The following CC2D2B variants were observed in gnomAD, a reference collection of about 807,000 sequenced individuals.
CC2D2B encodes the protein protein CC2D2B.
In CC2D2B, 128 loss-of-function variants were observed where a neutral mutation model predicts 161.2. That is an observed-to-expected ratio of 0.79 (90% confidence interval 0.69 to 0.92). CC2D2B has a LOEUF of 0.92. Ranked by LOEUF, CC2D2B falls within the 40% of genes least tolerant of loss-of-function variation. The pLI is 0.00. For missense variants in CC2D2B, 1,173 were observed against 1,375.1 expected (o/e 0.85, Z 2.32); for synonymous variants, 391 against 449.8 (o/e 0.87, Z 1.65).
chr10:95,996,060 T>G (rs2141715671), intron 23 of CC2D2B, 83 bp from the exon 24 acceptor site: 1 of 497,298 alleles, frequency 2.0e-6, no homozygotes, highest in East Asian at 3.3e-5. Flanking sequence ...GCCATACATT[T>G]GCCAAGTAAT....
rs538650162 is a variant in CC2D2B, at chr10:96,032,017, C to T, written c.*9C>T. On this transcript the variant is annotated 3_prime_UTR_variant, in exon 35 of 35. Transcript: ENST00000646931. ...TAGTTCAACATCAATGAAAAGGAAG[C>T]AGAGCAAAGTAAAAGATTGTACTAT... 1.9e-6 allele frequency: 3 copies of T among 1,604,984 alleles called. No individual in the cohort carries two copies. The highest frequency in any genetic ancestry group is 1.1e-5 in the South Asian group (1 of 90,656).
intron 23 of CC2D2B, among the ~76,000 whole-genome samples, chr10:95,995,729 A>G (rs1346115757): frequency 6.6e-6 from 1 of 152,234 alleles, no homozygotes; most frequent in Non-Finnish European, 1.5e-5. Context: ...GTTATTGTCC[A>G]AAGGAACTAC....
At chr10:96,015,459 G>C (rs1277016254) in intron 29 of CC2D2B, among the ~76,000 whole-genome samples, 2 of 109,148 alleles carry the variant, frequency 1.8e-5, no homozygotes, top group Non-Finnish European at 3.7e-5. Context: ...CTTTGCTAGA[G>C]TTTGTTTTTG....
chr10:95,990,897 G>T (rs192957795), intron 20 of CC2D2B, among the ~76,000 whole-genome samples: 1 of 152,272 alleles, frequency 6.6e-6, no homozygotes, highest in Admixed American at 6.5e-5. Flanking sequence ...TGACTTTCTT[G>T]CCAGGCTGCC....
chr10:95,926,815 A>AGTGTGTGTGTGTGTGTGTGTGTGTGT lies in CC2D2B; in HGVS notation c.241-415_241-390dup, dbSNP rs71486778. Among the ~76,000 whole-genome samples, 144 of 134,984 alleles carry AGTGTGTGTGTGTGTGTGTGTGTGTGT rather than the reference A, an allele frequency of 1.1e-3. 1 individual carries two copies. Among genetic ancestry groups the AGTGTGTGTGTGTGTGTGTGTGTGTGT allele is most frequent in the Non-Finnish European group, 1.7e-3 (108 of 62,436 alleles). The allele number at this position is 134,984 out of a possible 152,430, so 88.6% of individuals were successfully genotyped here. ...ATGAAAGATTGTGGGCTGAGGTGGC[A>AGTGTGTGTGTGTGTGTGTGTGTGTGT]GTGTGTGTGTGTGTGTGTGTGTGTG... On this transcript the variant is annotated intron_variant, in intron 5 of 34. Transcript: ENST00000646931.
Position 96,027,297 on chromosome 10 carries a change from C to T in CC2D2B, c.4033C>T (p.Arg1345Ter), listed in dbSNP as rs780557061. The change falls in exon 34 of 35, where the codon CGA becomes TGA. Residue 1345 changes from arginine to a stop codon, truncating the protein, a stop_gained. Transcript: ENST00000646931. LOFTEE classifies it high-confidence loss of function. ...HWNRQCTFIL[R>*]QILPKLEFGI... is the part of the protein sequence containing the mutation. Reference sequence around the variant, plus strand: ...GAATCGACAGTGTACTTTTATTTTGCGACAAATCCTTCCTAAGCTGGAATT... The same window carrying T: ...GAATCGACAGTGTACTTTTATTTTGTGACAAATCCTTCCTAAGCTGGAATT... 1.6e-5 allele frequency: 25 copies of T among 1,550,980 alleles called. No homozygotes were observed. The highest frequency in any genetic ancestry group is 2.0e-5 in the Non-Finnish European group (23 of 1,146,688).
chr10:96,012,563 C>T lies in CC2D2B; in HGVS notation c.3260C>T (p.Ala1087Val). ...FLDQTEVLQR[A>V]QIFKKNCKAM... is the part of the protein sequence containing the mutation. ...GATCAAACAGAGGTCTTGCAGAGAG[C>T]ACAGATTTTTAAAAAGAATTGTAAG... Residue 1087 changes from alanine to valine, a missense_variant, in exon 28 of 35, where the codon GCA (alanine) becomes GTA (valine). Around this residue, in one of 3 missense-constraint regions of CC2D2B, gnomAD observed 598 missense variants for 693.2 expected, o/e 0.86. Coordinates refer to ENST00000646931, the MANE Select transcript of CC2D2B (RefSeq NM_001349008.3). 6.2e-7 allele frequency: 1 copy of T among 1,612,718 alleles called. No individual in the cohort carries two copies. The highest frequency in any genetic ancestry group is 8.5e-7 in the Non-Finnish European group (1 of 1,178,944).
intron 2 of CC2D2B, chr10:95,913,326 G>T: frequency 3.7e-6 from 1 of 270,240 alleles, no homozygotes; most frequent in South Asian, 3.8e-5. Context: ...GTACTCCATT[G>T]CATATATATA....
chr10:96,013,820 T>C lies in CC2D2B; in HGVS notation c.3459T>C (p.Pro1153=). 6.2e-7 allele frequency: 1 copy of C among 1,603,548 alleles called. No individual in the cohort carries two copies. The highest frequency in any genetic ancestry group is 8.5e-7 in the Non-Finnish European group (1 of 1,174,054). ...TTGCTCGATTTGTATCTTTGATTCC[T>C]TTTGTGCCTAATACACCAGATGAAA... The part of the protein sequence containing the change: ...DLIARFVSLI[P]FVPNTPDEND... Residue 1153 remains proline (P), a synonymous_variant, in exon 29 of 35, where the codon CCT becomes CCC. Transcript: ENST00000646931.
chr10:95,981,877 C>A, intron 17 of CC2D2B, 98 bp from the exon 18 acceptor site: 1 of 605,546 alleles, frequency 1.7e-6, no homozygotes, highest in South Asian at 9.0e-5. Context: ...TTCAAATACC[C>A]AGAATGGGTA....
intron 6 of CC2D2B, among the ~76,000 whole-genome samples, chr10:95,929,588 G>A (rs11597019): frequency 0.3 from 46,363 of 152,012 alleles, 7,681 homozygotes; most frequent in Admixed American, 0.41. Flanking sequence ...TGTAAGGAAG[G>A]GGTCCAGTTT....
chr10:96,011,778 A>AG lies in CC2D2B; in HGVS notation c.3046-407_3046-406insG, dbSNP rs1564668566. ...ACACACACACACACACACACACACA[A>AG]TTTCTCCTACTGTGGACCTCAGGGT... is the stretch of plus-strand genomic sequence containing the variant. On this transcript the variant is annotated intron_variant, in intron 26 of 34. Transcript: ENST00000646931. Among the ~76,000 whole-genome samples the AG allele has an allele frequency of 4.8e-5, 7 of 145,936 alleles. No homozygotes were observed. The East Asian group carries it at 8.9e-4, about 19-fold the overall frequency.
intron 22 of CC2D2B, among the ~76,000 whole-genome samples, chr10:95,994,873 C>G (rs879556309): frequency 2.6e-5 from 4 of 152,158 alleles, no homozygotes; most frequent in Non-Finnish European, 5.9e-5. Context: ...TATAACTATT[C>G]TTATTTTAAC....
intron 16 of CC2D2B, among the ~76,000 whole-genome samples, chr10:95,973,197 G>A (rs1466308281): frequency 6.6e-6 from 1 of 152,094 alleles, no homozygotes; most frequent in Non-Finnish European, 1.5e-5. Flanking sequence ...TTTGCTTCAA[G>A]TCCAGATGAA....
At chr10:95,988,409 G>A (rs1420338203) in intron 20 of CC2D2B, 67 bp downstream of exon 20, 2 of 641,568 alleles carry the variant, frequency 3.1e-6, no homozygotes, top group Non-Finnish European at 4.5e-6. Flanking sequence ...TAGATCCATG[G>A]TATTATAGTC....
At chr10:96,000,029 C>G in intron 24 of CC2D2B, 1 of 1,397,276 alleles carries the variant, frequency 7.2e-7, no homozygotes. Context: ...TACAACAATG[C>G]CAACAGCATG....
chr10:95,978,256 A>T (rs568280538), intron 17 of CC2D2B, among the ~76,000 whole-genome samples: 1 of 152,338 alleles, frequency 6.6e-6, no homozygotes, highest in Admixed American at 6.5e-5. Flanking sequence ...TTCATCAATT[A>T]CAGAAACTTC....
At chr10:95,982,205 T>G in intron 18 of CC2D2B, 92 bp downstream of exon 18, 1 of 885,814 alleles carries the variant, frequency 1.1e-6, no homozygotes. Flanking sequence ...TTGCTGTATA[T>G]TTTTCTAGGC....
At chr10:95,957,862 T>C (rs1397454559) in intron 11 of CC2D2B, among the ~76,000 whole-genome samples, 1 of 148,230 alleles carries the variant, frequency 6.7e-6, no homozygotes, top group Admixed American at 6.7e-5. Context: ...CACCTGGCCA[T>C]GATTTAAAAA....
Sources: gnomAD v4.1 joint callset for allele counts (sites outside exome capture counted in the v4.1 genomes callset) on GRCh38, gnomAD v4.1.1 for gene constraint, gnomAD v4.1.1 regional missense constraint, MANE v1.5 for transcripts, NCBI Gene and HGNC (gene_info 2026-07-23, HGNC 2026-07-21) for gene names.